Variants in NFIB observed in about 807,000 individuals in gnomAD.
The protein encoded by NFIB is nuclear factor I B, also known as nuclear factor 1 B-type.
Under a neutral mutation model 61.5 loss-of-function variants are expected in NFIB, and 11 were observed. The ratio of observed to expected loss-of-function variants is 0.18; its 90% CI spans 0.11 to 0.30. The LOEUF is 0.30. NFIB is among the 10% of genes least tolerant of loss of function. NFIB has a pLI of 1.00. For missense variants in NFIB, 471 were observed against 608.9 expected (o/e 0.77, Z 2.38); for synonymous variants, 260 against 216.5 (o/e 1.20, Z -1.76).
intron 1 of NFIB, among the ~76,000 whole-genome samples, chr9:14,340,410 C>A (rs1442564034): frequency 6.6e-6 from 1 of 152,122 alleles, no homozygotes; most frequent in Non-Finnish European, 1.5e-5. Flanking sequence ...AAAAGAATAC[C>A]GATGCCCACA....
At chr9:14,294,375 C>T (rs2059288706) in intron 2 of NFIB, among the ~76,000 whole-genome samples, 1 of 152,218 alleles carries the variant, frequency 6.6e-6, no homozygotes, top group Non-Finnish European at 1.5e-5. Context: ...CATGTATACG[C>T]TCCCACTTTA....
intron 2 of NFIB, among the ~76,000 whole-genome samples, chr9:14,185,845 T>G (rs2047280319): frequency 6.6e-6 from 1 of 152,164 alleles, no homozygotes; most frequent in Non-Finnish European, 1.5e-5. Flanking sequence ...CCTGAAGAAA[T>G]ATTTGGAAAC....
chr9:14,085,806 T>C lies in NFIB; in HGVS notation c.*2503A>G, dbSNP rs2032785220. On this transcript the variant is annotated 3_prime_UTR_variant, in exon 11 of 11. Transcript: ENST00000380953. ...GGGACGAAAAGTGGCAGAAAAGGAA[T>C]ACGGGAGACTCCCTCCAACAGGTCT... 2 of 221,248 alleles carry C rather than the reference T, an allele frequency of 9.0e-6. No homozygotes were observed. Among genetic ancestry groups the C allele is most frequent in the African/African-American group, 4.5e-5 (2 of 44,696 alleles). The allele number at this position is 221,248 out of a possible 1,614,324, so 13.7% of individuals were successfully genotyped here. A position where few individuals can be genotyped will look rare whatever the true frequency, so the allele number is the denominator to read the frequency against.
At chr9:14,238,414 A>C (rs2054018098) in intron 2 of NFIB, among the ~76,000 whole-genome samples, 1 of 152,148 alleles carries the variant, frequency 6.6e-6, no homozygotes, top group Admixed American at 6.5e-5. Flanking sequence ...GGTTACATTA[A>C]AAATTCACTG....
At chr9:14,250,337 T>A (rs541764135) in intron 2 of NFIB, among the ~76,000 whole-genome samples, 1 of 152,286 alleles carries the variant, frequency 6.6e-6, no homozygotes, top group South Asian at 2.1e-4. Context: ...GTCACAAACC[T>A]CTTAAACATG....
intron 2 of NFIB, among the ~76,000 whole-genome samples, chr9:14,230,988 G>A (rs576735149): frequency 1.1e-4 from 16 of 151,298 alleles, no homozygotes; most frequent in Admixed American, 3.3e-4. Flanking sequence ...GCGGAGAAAT[G>A]GAGTTCGCAA....
At chr9:14,197,212 T>G (rs1041731141) in intron 2 of NFIB, among the ~76,000 whole-genome samples, 4 of 152,218 alleles carry the variant, frequency 2.6e-5, no homozygotes, top group Admixed American at 2.0e-4. Context: ...AAACCTTGAT[T>G]TTTCATTGCA....
intron 6 of NFIB, among the ~76,000 whole-genome samples, chr9:14,145,192 T>C (rs539983145): frequency 2.1e-4 from 32 of 152,176 alleles, no homozygotes; most frequent in Non-Finnish European, 3.7e-4. Flanking sequence ...AAATGACCCT[T>C]GCCATCTCTA....
chr9:14,128,991 C>G (rs951398152), intron 6 of NFIB, among the ~76,000 whole-genome samples: 6 of 152,074 alleles, frequency 3.9e-5, no homozygotes, highest in African/African-American at 1.4e-4. Flanking sequence ...CTTGCTTTTA[C>G]TGAGTAATTA....
the NFIB span, among the ~76,000 whole-genome samples, chr9:14,425,738 G>C: frequency 6.7e-6 from 1 of 149,970 alleles, no homozygotes; most frequent in Non-Finnish European, 1.5e-5. Flanking sequence ...TGTGATTATT[G>C]ATTGATTGGA....
intron 2 of NFIB, among the ~76,000 whole-genome samples, chr9:14,187,425 C>G (rs1450465263): frequency 1.3e-5 from 2 of 152,112 alleles, no homozygotes; most frequent in African/African-American, 4.8e-5. Context: ...CTTCAGATCC[C>G]TCTTTCTGTT....
chr9:14,218,874 T>C (rs1421896613), intron 2 of NFIB, among the ~76,000 whole-genome samples: 6 of 152,200 alleles, frequency 3.9e-5, no homozygotes, highest in Non-Finnish European at 8.8e-5. Context: ...TCAAAAGACA[T>C]TTATTAAGTA....
intron 2 of NFIB, among the ~76,000 whole-genome samples, chr9:14,187,017 G>GTGTGTATA (rs2047418230): frequency 2.7e-5 from 1 of 37,524 alleles, no homozygotes; most frequent in South Asian, 1.1e-3. Context: ...GTGTGTGTGT[G>GTGTGTATA]TGTGTGTGTA....
intron 6 of NFIB, among the ~76,000 whole-genome samples, chr9:14,145,700 G>C (rs1054136307): frequency 2.0e-5 from 3 of 147,020 alleles, no homozygotes; most frequent in East Asian, 2.0e-4. Flanking sequence ...ACCCAGGCTA[G>C]AGTACAGTGG....
chr9:14,490,716 T>A, the NFIB span, among the ~76,000 whole-genome samples: 3 of 152,174 alleles, frequency 2.0e-5, no homozygotes, highest in Non-Finnish European at 4.4e-5. Context: ...TTCATCAGCA[T>A]TTAAAGAAAT....
chr9:14,150,108 T>G (rs969158170), intron 5 of NFIB, 37 bp downstream of exon 5: 1 of 1,612,332 alleles, frequency 6.2e-7, no homozygotes, highest in African/African-American at 1.3e-5. Flanking sequence ...CCTATGTGTG[T>G]ATCACTTGAG....
intron 10 of NFIB, among the ~76,000 whole-genome samples, chr9:14,112,206 C>T (rs2037477748): frequency 6.6e-6 from 1 of 152,192 alleles, no homozygotes; most frequent in South Asian, 2.1e-4. Flanking sequence ...CAAACATATG[C>T]ATCATAAAAT....
chr9:14,155,926 T>C, intron 3 of NFIB, 33 bp from the exon 4 acceptor site: 1 of 1,328,974 alleles, frequency 7.5e-7, no homozygotes, highest in Non-Finnish European at 1.1e-6. Context: ...AAATGATCAA[T>C]ATAAGCAGAA....
the NFIB span, among the ~76,000 whole-genome samples, chr9:14,432,100 C>G: frequency 6.6e-6 from 1 of 152,248 alleles, no homozygotes; most frequent in East Asian, 1.9e-4. Context: ...CTACATATAT[C>G]TCTCCCCATG....
Sources: allele counts gnomAD v4.1 joint callset (sites outside exome capture counted in the v4.1 genomes callset), GRCh38; gene constraint gnomAD v4.1.1; transcripts MANE v1.5; gene names NCBI Gene and HGNC (gene_info 2026-07-23, HGNC 2026-07-21).